PCDHGA10: variants seen among roughly 807,000 people sequenced by gnomAD.
The protein encoded by PCDHGA10 is protocadherin gamma subfamily A, 10.
PCDHGA10 carries 42 observed loss-of-function variants against 59.5 expected under a neutral mutation model. The ratio of observed to expected loss-of-function variants is 0.71; its 90% confidence interval spans 0.55 to 0.91. The LOEUF (loss-of-function observed/expected upper bound fraction) is 0.91, where lower values mean the gene tolerates loss of function less well. Ranked by LOEUF, PCDHGA10 falls within the 40% of genes least tolerant of loss-of-function variation. PCDHGA10 has a pLI of 0.00. For synonymous variants in PCDHGA10, 511 were observed against 517.2 expected (o/e 0.99, Z 0.16); for missense variants, 1,111 against 1,198.2 (o/e 0.93, Z 1.07).
chr5:141,489,943 A>G lies in PCDHGA10; in HGVS notation c.2437-4864A>G. ...CCTTATCTCTGTCATCGTGCTGGAC[A>G]TCAATGATAATGCTCCAACCTTCCA... On this transcript the variant is annotated intron_variant, in intron 1 of 3. Transcript: ENST00000398610. The surrounding 1 kb of genome is among the most constrained non-coding windows in gnomAD (Gnocchi z 4.5). 5.6e-6 allele frequency: 9 copies of G among 1,614,190 alleles called. No homozygotes were observed. Among genetic ancestry groups the G allele is most frequent in the Non-Finnish European group, 7.6e-6 (9 of 1,180,016 alleles).
intron 1 of PCDHGA10, among the ~76,000 whole-genome samples, chr5:141,446,758 C>A (rs776925316): frequency 6.6e-6 from 1 of 152,326 alleles, no homozygotes; most frequent in Non-Finnish European, 1.5e-5. Flanking sequence ...TGAGCCACCG[C>A]GCCCAGCCGG....
Position 141,485,631 on chromosome 5 carries a change from C to T in PCDHGA10, c.2437-9176C>T. 6.2e-7 allele frequency: 1 copy of T among 1,611,764 alleles called. No homozygotes were observed. The highest frequency in any genetic ancestry group is 8.5e-7 in the Non-Finnish European group (1 of 1,178,360). Reference sequence around the variant, plus strand: ...GCAGCTCCTCCAGGACAGCGTTTCCCGTTGGAAAAGGCTCAGGATGCAGAT... The same window carrying T: ...GCAGCTCCTCCAGGACAGCGTTTCCTGTTGGAAAAGGCTCAGGATGCAGAT... On this transcript the variant is annotated intron_variant, in intron 1 of 3. Coordinates refer to ENST00000398610, the MANE Select transcript of PCDHGA10 (RefSeq NM_018913.3). The surrounding 1 kb of genome is among the most constrained non-coding windows in gnomAD (Gnocchi z 5.7).
intron 1 of PCDHGA10, chr5:141,419,779 GCGCCTGCTAGT>G: frequency 6.2e-7 from 1 of 1,614,064 alleles, no homozygotes; most frequent in Non-Finnish European, 8.5e-7. Flanking sequence ...CGGTCCGCCA[GCGCCTGCTAGT>G]CGCTGTAAGA....
In PCDHGA10 at chr5:141,475,486, T is replaced by C. The variant is rs576743657; in HGVS notation, c.2437-19321T>C. Among the ~76,000 whole-genome samples, 14 of 152,370 alleles carry C rather than the reference T, an allele frequency of 9.2e-5. No homozygotes were observed. In the East Asian group the frequency reaches 2.7e-3, roughly 29 times the overall value. On this transcript the variant is annotated intron_variant, in intron 1 of 3. Transcript: ENST00000398610. ...AATGCTAATTTCATTTGGTAAGAGA[T>C]AAAACTGAAATTATTAATGTCTCCA...
At chr5:141,503,729 G>C (rs531112359) in intron 2 of PCDHGA10, among the ~76,000 whole-genome samples, 1 of 152,190 alleles carries the variant, frequency 6.6e-6, no homozygotes, top group East Asian at 1.9e-4. Flanking sequence ...CTTTATGTTT[G>C]TTGTGATGGT....
At position 141,432,952 on chromosome 5, in the gene PCDHGA10, C is replaced by G. The variant is rs2097553312; in HGVS notation, c.2436+17341C>G. ...GCCTGCTGCAGGCTTCAGGAGGCGGCTTGACAGGAGCGCCGGCGTCGCACT... is the reference window on the plus strand; with the variant it reads ...GCCTGCTGCAGGCTTCAGGAGGCGGGTTGACAGGAGCGCCGGCGTCGCACT... On this transcript the variant is annotated intron_variant, in intron 1 of 3. Transcript: ENST00000398610. The surrounding 1 kb of genome is among the most constrained non-coding windows in gnomAD (Gnocchi z 6.0). 1 of 1,614,086 alleles carries G rather than the reference C, an allele frequency of 6.2e-7. No individual in the cohort carries two copies. Among genetic ancestry groups the G allele is most frequent in the South Asian group, 1.1e-5 (1 of 91,090 alleles).
intron 1 of PCDHGA10, among the ~76,000 whole-genome samples, chr5:141,472,792 C>A (rs2099297177): frequency 6.6e-6 from 1 of 151,698 alleles, no homozygotes; most frequent in African/African-American, 2.4e-5. Context: ...TCAAGATCAG[C>A]CTGACCAACA....
In PCDHGA10 at chr5:141,490,801, A is replaced by G; in HGVS notation, c.2437-4006A>G. On this transcript the variant is annotated intron_variant, in intron 1 of 3. Transcript: ENST00000398610. The surrounding 1 kb of genome is among the most constrained non-coding windows in gnomAD (Gnocchi z 5.4). ...GGATGGACGGATCTTTGCCCAGCGT[A>G]CCTTTGACTATGAATTGCTGCAGAT... The G allele has an allele frequency of 6.2e-7, 1 of 1,613,854 alleles. No homozygotes were observed. Among genetic ancestry groups the G allele is most frequent in the African/African-American group, 1.3e-5 (1 of 75,042 alleles).
intron 1 of PCDHGA10, among the ~76,000 whole-genome samples, chr5:141,454,250 C>T (rs1453631901): frequency 6.6e-6 from 1 of 151,974 alleles, no homozygotes; most frequent in African/African-American, 2.4e-5. Context: ...TGAAGATGTC[C>T]CAGAGAAAGT....
chr5:141,443,938 G>T (rs1330111540), intron 1 of PCDHGA10, among the ~76,000 whole-genome samples: 1 of 152,014 alleles, frequency 6.6e-6, no homozygotes, highest in Non-Finnish European at 1.5e-5. Context: ...CTCACAGCAG[G>T]TTTCCTTATT....
In PCDHGA10 at chr5:141,432,059, A is replaced by G. The variant is rs752124614; in HGVS notation, c.2436+16448A>G. The stretch of plus-strand genomic sequence containing the variant: ...TGACCGGGGAACCCCGCCCCTATCC[A>G]CGGAAACTCATATCTCGCTGAACGT... On this transcript the variant is annotated intron_variant, in intron 1 of 3. Coordinates refer to ENST00000398610, the MANE Select transcript of PCDHGA10 (RefSeq NM_018913.3). The surrounding 1 kb of genome is among the most constrained non-coding windows in gnomAD (Gnocchi z 6.0). 17 of 1,614,052 alleles carry G rather than the reference A, an allele frequency of 1.1e-5. No individual in the cohort carries two copies. The highest frequency in any genetic ancestry group is 1.3e-5 in the African/African-American group (1 of 74,918).
Position 141,486,747 on chromosome 5 carries a change from A to G in PCDHGA10, c.2437-8060A>G, listed in dbSNP as rs750666508. The G allele has an allele frequency of 3.1e-6, 5 of 1,614,210 alleles. No homozygotes were observed. The highest frequency in any genetic ancestry group is 4.2e-6 in the Non-Finnish European group (5 of 1,180,034). On this transcript the variant is annotated intron_variant, in intron 1 of 3. Transcript: ENST00000398610. This position sits in a 1 kb window ranked among gnomAD's most constrained non-coding sequence, Gnocchi z 5.0. Reference sequence around the variant, plus strand: ...GTTCATGCTACTCGATCCTTTGACTATGAGCAAACCCAGACACTGCAGTTT... The same window carrying G: ...GTTCATGCTACTCGATCCTTTGACTGTGAGCAAACCCAGACACTGCAGTTT...
At position 141,494,833 on chromosome 5, in the gene PCDHGA10, T is replaced by C. The variant is rs537340090; in HGVS notation, c.2463T>C (p.Arg821=). 1 of 1,614,094 alleles carries C rather than the reference T, an allele frequency of 6.2e-7. No homozygotes were observed. The highest frequency in any genetic ancestry group is 1.7e-5 in the Admixed American group (1 of 60,014). Residue 821 remains arginine, a synonymous_variant, in exon 2 of 4, where the codon CGT becomes CGC. Coordinates refer to ENST00000398610, the MANE Select transcript of PCDHGA10 (RefSeq NM_018913.3). ...VPQAPPNTDW[R]FSQAQRPGTS... Reference sequence around the variant, plus strand: ...AAGCCCCGCCCAACACGGACTGGCGTTTCTCTCAGGCCCAGAGACCCGGCA... The same window carrying C: ...AAGCCCCGCCCAACACGGACTGGCGCTTCTCTCAGGCCCAGAGACCCGGCA...
Position 141,511,403 on chromosome 5 carries a change from AC to A in PCDHGA10, c.*231del. ...TCCGCTGGGAACCCCCATCCAATCA[AC>A]TGCTGTACCCATGGGGGTAGTGGGG... is the stretch of plus-strand genomic sequence containing the variant. On this transcript the variant is annotated 3_prime_UTR_variant, in exon 4 of 4. Coordinates refer to ENST00000398610, the MANE Select transcript of PCDHGA10 (RefSeq NM_018913.3). 1.1e-6 allele frequency: 1 copy of A among 939,022 alleles called. No homozygotes were observed. The highest frequency in any genetic ancestry group is 1.5e-6 in the Non-Finnish European group (1 of 650,838). The allele number at this position is 939,022 out of a possible 1,614,324, so 58.2% of individuals were successfully genotyped here. A position where few individuals can be genotyped will look rare whatever the true frequency, so the allele number is the denominator to read the frequency against.
At position 141,491,093 on chromosome 5, in the gene PCDHGA10, T is replaced by G; in HGVS notation, c.2437-3714T>G. The G allele has an allele frequency of 6.2e-7, 1 of 1,614,160 alleles. No individual in the cohort carries two copies. The highest frequency in any genetic ancestry group is 8.5e-7 in the Non-Finnish European group (1 of 1,180,008). On this transcript the variant is annotated intron_variant, in intron 1 of 3. Transcript: ENST00000398610. This position sits in a 1 kb window ranked among gnomAD's most constrained non-coding sequence, Gnocchi z 6.9. ...TTGCCACAGTCCACAGCCCCAGGAC[T>G]GTTCCTCGTGTCTACACACACTGGT... is the stretch of plus-strand genomic sequence containing the variant.
chr5:141,510,833 C>G, intron 3 of PCDHGA10, 114 bp from the exon 4 acceptor site: 2 of 1,577,796 alleles, frequency 1.3e-6, no homozygotes, highest in Admixed American at 1.7e-5. Context: ...CAGTGCTCAG[C>G]GTGGTCAAGG....
In PCDHGA10 at chr5:141,511,236, C is replaced by T; in HGVS notation, c.*63C>T. 4 of 1,591,606 alleles carry T rather than the reference C, an allele frequency of 2.5e-6. No individual in the cohort carries two copies. Among genetic ancestry groups the T allele is most frequent in the Admixed American group, 3.6e-5 (2 of 56,022 alleles). ...CCCAACCAGCCCAGCTTCTCCTTAC[C>T]TGCACCCAGGCCTCAGAGTTTCAGG... On this transcript the variant is annotated 3_prime_UTR_variant, in exon 4 of 4. Transcript: ENST00000398610.
intron 1 of PCDHGA10, among the ~76,000 whole-genome samples, chr5:141,494,361 G>A (rs1311268562): frequency 6.6e-6 from 1 of 152,184 alleles, no homozygotes; most frequent in African/African-American, 2.4e-5. Flanking sequence ...TGCTGCAGAG[G>A]ATGCTTTGTT....
chr5:141,476,656 T>C lies in PCDHGA10; in HGVS notation c.2437-18151T>C. 1 of 1,614,210 alleles carries C rather than the reference T, an allele frequency of 6.2e-7. No individual in the cohort carries two copies. Among genetic ancestry groups the C allele is most frequent in the Non-Finnish European group, 8.5e-7 (1 of 1,180,044 alleles). On this transcript the variant is annotated intron_variant, in intron 1 of 3. Coordinates refer to ENST00000398610, the MANE Select transcript of PCDHGA10 (RefSeq NM_018913.3). This position sits in a 1 kb window ranked among gnomAD's most constrained non-coding sequence, Gnocchi z 7.6. ...ATGAGCTGAGCCGAAATGAATACTT[T>C]GCGCTTCGCGTGCAGACGCGGGAGG...
Sources: gnomAD v4.1 joint callset for allele counts (sites outside exome capture counted in the v4.1 genomes callset) on GRCh38, gnomAD v4.1.1 for gene constraint, Gnocchi (gnomAD v3.1) non-coding constraint, MANE v1.5 for transcripts, NCBI Gene and HGNC (gene_info 2026-07-23, HGNC 2026-07-21) for gene names.